COQ2: variants seen among roughly 807,000 people sequenced by gnomAD.
COQ2 encodes 4-hydroxybenzoate polyprenyltransferase, mitochondrial.
In COQ2, 25 loss-of-function variants were observed where a neutral mutation model predicts 35.7. The observed-to-expected ratio is 0.70, with a 90% CI of 0.51 to 0.98. The LOEUF is 0.98. COQ2 is among the 50% of genes least tolerant of loss of function. COQ2 has a pLI of 0.00. For synonymous variants in COQ2, 206 were observed against 186.2 expected (o/e 1.11, Z -0.86); for missense variants, 488 against 473.5 (o/e 1.03, Z -0.28).
intron 4 of COQ2, among the ~76,000 whole-genome samples, chr4:83,270,877 T>C (rs577200807): frequency 6.6e-6 from 1 of 152,314 alleles, no homozygotes; most frequent in Non-Finnish European, 1.5e-5. Flanking sequence ...TTGGAGTAAA[T>C]ATACCAGCTT....
rs571717352 is a variant in COQ2 at position 83,269,980 on chromosome 4, A to G, written c.642T>C (p.Asn214=). 1.2e-5 allele frequency: 20 copies of G among 1,613,012 alleles called. No homozygotes were observed. The highest frequency in any genetic ancestry group is 5.3e-5 in the African/African-American group (4 of 74,860). Residue 214 remains asparagine (N), a synonymous_variant, in exon 5 of 7, where the codon AAT becomes AAC. Coordinates refer to ENST00000647002, the MANE Select transcript of COQ2 (RefSeq NM_001358921.2). The stretch of plus-strand genomic sequence containing the variant: ...CAGACCATCCAAGTAACGCTCCCCA[A>G]TTAAATGTCAAGCCTACAATTAGCA... ...WPQLALGLTF[N]WGALLGWSAI...
At chr4:83,283,713 C>G (rs549308564) in intron 1 of COQ2, 2 of 985,384 alleles carry the variant, frequency 2.0e-6, no homozygotes, top group Admixed American at 1.2e-4. Flanking sequence ...GGCCGGACAA[C>G]GTAGTAGGAA....
intron 1 of COQ2, chr4:83,281,572 T>C (rs1735322458): frequency 6.6e-6 from 1 of 152,184 alleles, no homozygotes; most frequent in African/African-American, 2.4e-5. Context: ...GCTTAAGTCT[T>C]TGTTTCATCT....
chr4:83,277,191 T>A (rs1735203232), intron 2 of COQ2, among the ~76,000 whole-genome samples: 1 of 152,096 alleles, frequency 6.6e-6, no homozygotes, highest in Non-Finnish European at 1.5e-5. Flanking sequence ...ACAAAAACAT[T>A]TTTAAAGAAA....
Position 83,284,769 on chromosome 4 carries a change from C to A in COQ2, c.-5G>T. On this transcript the variant is annotated 5_prime_UTR_variant, in exon 1 of 7. Coordinates refer to ENST00000647002, the MANE Select transcript of COQ2 (RefSeq NM_001358921.2). ...CGCGGCTCGCGAGCCCAGCATGGCGCTGGTGAGGCCGGGACGAGCTCGGAT... is the reference window on the plus strand; with the variant it reads ...CGCGGCTCGCGAGCCCAGCATGGCGATGGTGAGGCCGGGACGAGCTCGGAT... 1 of 1,556,786 alleles carries A rather than the reference C, an allele frequency of 6.4e-7. No individual in the cohort carries two copies. The highest frequency in any genetic ancestry group is 8.6e-7 in the Non-Finnish European group (1 of 1,158,280).
chr4:83,269,897 A>T lies in COQ2; in HGVS notation c.725T>A (p.Met242Lys). The part of the protein sequence containing the change: ...VCLPLYFSGV[M>K]WTLIYDTIYA... The stretch of plus-strand genomic sequence containing the variant: ...AATAGTATCATATATTAGTGTCCAC[A>T]TAACTCCAGAAAAATAAAGAGGCAG... Residue 242 changes from methionine (M) to lysine (K), a missense_variant, in exon 5 of 7, where the codon ATG becomes AAG. Physicochemically the swap from Met to Lys is moderately conservative, Grantham distance 95 (BLOSUM62 -1). Coordinates refer to ENST00000647002, the MANE Select transcript of COQ2 (RefSeq NM_001358921.2). The T allele has an allele frequency of 6.2e-7, 1 of 1,611,612 alleles. No homozygotes were observed. Among genetic ancestry groups the T allele is most frequent in the Non-Finnish European group, 8.5e-7 (1 of 1,177,908 alleles).
At position 83,279,239 on chromosome 4, in the gene COQ2, G is replaced by A. The variant is rs530261105; in HGVS notation, c.254-125C>T. 2.2e-4 allele frequency: 279 copies of A among 1,244,256 alleles called. No homozygotes were observed. The African/African-American group carries it at 3.8e-3, about 17-fold the overall frequency. 77.1% of individuals were successfully genotyped at this position (1,244,256 alleles called of 1,614,324 possible). On this transcript the variant is annotated intron_variant, in intron 1 of 6. Coordinates refer to ENST00000647002, the MANE Select transcript of COQ2 (RefSeq NM_001358921.2). ...AGTCAAAAAAACAAATGACAAAACT[G>A]AGAAAATAAATTTGCAACTCAAATC...
chr4:83,283,706 C>T (rs1735382332), intron 1 of COQ2: 13 of 985,222 alleles, frequency 1.3e-5, no homozygotes, highest in African/African-American at 3.5e-5. Context: ...TCTCTATGGC[C>T]GGACAACGTA....
In COQ2 at chr4:83,271,342, G is replaced by A. The variant is rs11930156; in HGVS notation, c.628+745C>T. On this transcript the variant is annotated intron_variant, in intron 4 of 6. Transcript: ENST00000647002. ...ATTAGAATCCTATGGTAGCCCAGAAGAGACTGTCTAACTTCTTCCTGAGAG... is the reference window on the plus strand; with the variant it reads ...ATTAGAATCCTATGGTAGCCCAGAAAAGACTGTCTAACTTCTTCCTGAGAG... 9.1e-3 allele frequency among the ~76,000 whole-genome samples: 1,390 copies of A among 152,302 alleles called. 25 individuals are homozygous for A. Among genetic ancestry groups the A allele is most frequent in the African/African-American group, 0.032 (1,318 of 41,568 alleles).
chr4:83,273,529 G>A lies in COQ2; in HGVS notation c.509C>T (p.Ala170Val). Residue 170 changes from alanine to valine, a missense_variant, in exon 3 of 7, where the codon GCA becomes GTA. Ala to Val is a moderately conservative substitution (Grantham distance 64, BLOSUM62 0). Transcript: ENST00000647002. ...FVFLGGQLTL[A>V]LGVLLCLNYY... ...ATTTAGACACAGAAGAACACCCAGT[G>A]CCAGGGTTAGCTGTCCCCCAAGAAA... 1.2e-6 allele frequency: 2 copies of A among 1,613,582 alleles called. No individual in the cohort carries two copies. Among genetic ancestry groups the A allele is most frequent in the Non-Finnish European group, 1.7e-6 (2 of 1,179,580 alleles).
chr4:83,269,608 A>G (rs1734997542), intron 5 of COQ2, among the ~76,000 whole-genome samples: 1 of 152,214 alleles, frequency 6.6e-6, no homozygotes, highest in South Asian at 2.1e-4. Context: ...AGTAAATACT[A>G]CTTTATTGCT....
At chr4:83,265,566 ACT>A (rs1277191971) in intron 6 of COQ2, among the ~76,000 whole-genome samples, 1 of 148,336 alleles carries the variant, frequency 6.7e-6, no homozygotes, top group African/African-American at 2.6e-5. Context: ...CAGAGGGAAG[ACT>A]CTGTTTCAAA....
intron 1 of COQ2, chr4:83,283,475 G>A (rs1278785989): frequency 1.0e-6 from 1 of 985,290 alleles, no homozygotes; most frequent in African/African-American, 1.7e-5. Context: ...AGTACTTCCC[G>A]CACTAAGATC....
intron 5 of COQ2, among the ~76,000 whole-genome samples, chr4:83,269,527 A>G (rs770913552): frequency 6.6e-6 from 1 of 152,212 alleles, no homozygotes; most frequent in Non-Finnish European, 1.5e-5. Flanking sequence ...AATGAGGATA[A>G]TGTAAGTACT....
intron 1 of COQ2, among the ~76,000 whole-genome samples, chr4:83,282,837 A>AG (rs1288611946): frequency 2.6e-5 from 4 of 152,198 alleles, no homozygotes; most frequent in Non-Finnish European, 5.9e-5. Flanking sequence ...TTGGCTCCAA[A>AG]GTTTTGCTCA....
intron 2 of COQ2, among the ~76,000 whole-genome samples, chr4:83,277,111 A>G: frequency 6.6e-6 from 1 of 152,240 alleles, no homozygotes; most frequent in Non-Finnish European, 1.5e-5. Context: ...GTACACTAAA[A>G]GCCCAGACTT....
chr4:83,275,008 C>A (rs529078311), intron 2 of COQ2, among the ~76,000 whole-genome samples: 1 of 152,084 alleles, frequency 6.6e-6, no homozygotes, highest in Non-Finnish European at 1.5e-5. Flanking sequence ...CCATTTGGTT[C>A]TCCTTTATAT....
Position 83,270,314 on chromosome 4 carries a change from A to G in COQ2, c.629-321T>C, listed in dbSNP as rs537360300. On this transcript the variant is annotated intron_variant, in intron 4 of 6. Transcript: ENST00000647002. ...CCTAATATGGTGCACGGCACTACCA[A>G]TAACAGAAGATGCTGGGATCTGAAC... Among the ~76,000 whole-genome samples the G allele has an allele frequency of 2.6e-5, 4 of 152,324 alleles. No homozygotes were observed. In the East Asian group the frequency reaches 7.7e-4, roughly 29 times the overall value.
chr4:83,267,494 C>T, intron 6 of COQ2, 92 bp downstream of exon 6: 1 of 1,196,546 alleles, frequency 8.4e-7, no homozygotes, highest in Non-Finnish European at 1.2e-6. Context: ...TAAGAAGTTC[C>T]TTGCCAGGTA....
Sources: allele counts gnomAD v4.1 joint callset (sites outside exome capture counted in the v4.1 genomes callset), GRCh38; gene constraint gnomAD v4.1.1; transcripts MANE v1.5; gene names NCBI Gene and HGNC (gene_info 2026-07-23, HGNC 2026-07-21).